WDR37: variants seen among roughly 807,000 people sequenced by gnomAD.
The protein encoded by WDR37 is WD repeat-containing protein 37.
A neutral mutation model predicts 62.9 loss-of-function variants in WDR37; 19 were observed. The observed-to-expected ratio is 0.30, with a 90% CI of 0.21 to 0.44. WDR37 has a LOEUF of 0.44. Among genes scored for constraint, WDR37 ranks in the 20% least tolerant of loss-of-function variants. WDR37 has a pLI of 1.00. For missense variants in WDR37, 474 were observed against 657.6 expected (o/e 0.72, Z 3.05); for synonymous variants, 250 against 260.9 (o/e 0.96, Z 0.40).
At chr10:1,078,285 C>T (rs1833937565) in intron 3 of WDR37, among the ~76,000 whole-genome samples, 1 of 152,140 alleles carries the variant, frequency 6.6e-6, no homozygotes, top group Non-Finnish European at 1.5e-5. Flanking sequence ...ATTGAGAAAA[C>T]ATTGATTTAC....
intron 11 of WDR37, among the ~76,000 whole-genome samples, chr10:1,108,935 G>C (rs1835120517): frequency 6.6e-6 from 1 of 152,236 alleles, no homozygotes; most frequent in Non-Finnish European, 1.5e-5. Context: ...AGCTTCCTAT[G>C]TGCTTCTGAT....
rs1397633607 is a variant in WDR37, at chr10:1,108,559, C to T, written c.1103+3292C>T. Among the ~76,000 whole-genome samples, 4 of 152,216 alleles carry T rather than the reference C, an allele frequency of 2.6e-5. No homozygotes were observed. The East Asian group carries it at 7.7e-4, about 29-fold the overall frequency. ...GATGTTAATTCCCCAGTGACCTTTC[C>T]TCGGTCCAGGGCTTCAGCTCATTGT... is the stretch of plus-strand genomic sequence containing the variant. On this transcript the variant is annotated intron_variant, in intron 11 of 13. Transcript: ENST00000263150.
intron 11 of WDR37, among the ~76,000 whole-genome samples, chr10:1,123,448 C>G (rs550708259): frequency 6.6e-6 from 1 of 152,190 alleles, no homozygotes; most frequent in African/African-American, 2.4e-5. Context: ...AACCTCTGTT[C>G]TACTTCCTGT....
At chr10:1,066,491 T>G (rs1833558126) in intron 1 of WDR37, among the ~76,000 whole-genome samples, 1 of 152,220 alleles carries the variant, frequency 6.6e-6, no homozygotes, top group Non-Finnish European at 1.5e-5. Context: ...ATTCATAGAT[T>G]AAAAGACTCA....
chr10:1,124,069 T>C, intron 11 of WDR37, 149 bp from the exon 12 acceptor site: 2 of 969,960 alleles, frequency 2.1e-6, no homozygotes, highest in East Asian at 5.1e-5. Flanking sequence ...GGAGAGGCTT[T>C]GGGAGGCGGG....
intron 5 of WDR37, 72 bp downstream of exon 5, chr10:1,080,548 AT>A: frequency 6.6e-7 from 1 of 1,520,880 alleles, no homozygotes; most frequent in Non-Finnish European, 9.0e-7. Flanking sequence ...TAAGTTGTTT[AT>A]TTTCCAATTA....
At chr10:1,074,578 G>T in intron 2 of WDR37, 1 of 1,270,734 alleles carries the variant, frequency 7.9e-7, no homozygotes, top group South Asian at 1.3e-5. Flanking sequence ...GCCCCCGTGA[G>T]GTGCTCTGCC....
chr10:1,062,241 C>A (rs1002763400), intron 1 of WDR37, among the ~76,000 whole-genome samples: 1 of 152,098 alleles, frequency 6.6e-6, no homozygotes, highest in African/African-American at 2.4e-5. Flanking sequence ...AGATTGCCGG[C>A]GGTATTGACT....
chr10:1,084,368 A>C, intron 5 of WDR37, 35 bp from the exon 6 acceptor site: 1 of 1,593,166 alleles, frequency 6.3e-7, no homozygotes, highest in Middle Eastern at 1.7e-4. Flanking sequence ...TTACTTCAGT[A>C]AATTGTTTCA....
At chr10:1,080,555 A>G in intron 5 of WDR37, 79 bp downstream of exon 5, 1 of 1,479,074 alleles carries the variant, frequency 6.8e-7, no homozygotes, top group Non-Finnish European at 9.3e-7. Context: ...TTTATTTTCC[A>G]ATTAGAAAGG....
At chr10:1,126,268 T>C (rs371089630) in intron 13 of WDR37, among the ~76,000 whole-genome samples, 451 of 151,776 alleles carry the variant, frequency 3.0e-3, no homozygotes, top group East Asian at 0.016. Flanking sequence ...CAGCCAGGCG[T>C]GGTGGCGGGC....
chr10:1,073,145 G>A (rs1413245246), intron 2 of WDR37, among the ~76,000 whole-genome samples: 1 of 152,156 alleles, frequency 6.6e-6, no homozygotes, highest in Non-Finnish European at 1.5e-5. Context: ...TTTAAAGAGT[G>A]TTGTGAAGTC....
At chr10:1,101,268 C>T (rs1834790634) in intron 9 of WDR37, among the ~76,000 whole-genome samples, 1 of 152,172 alleles carries the variant, frequency 6.6e-6, no homozygotes, top group Non-Finnish European at 1.5e-5. Flanking sequence ...ATCCGTGTTC[C>T]CACAGTCCTG....
At chr10:1,057,114 G>C (rs1373167948) in intron 1 of WDR37, 146 bp downstream of exon 1, 1 of 155,600 alleles carries the variant, frequency 6.4e-6, no homozygotes, top group African/African-American at 2.4e-5. Context: ...TTGGAATGCA[G>C]AGGGTCCGTG....
intron 13 of WDR37, among the ~76,000 whole-genome samples, chr10:1,128,741 G>T (rs563391231): frequency 6.6e-6 from 1 of 152,082 alleles, no homozygotes; most frequent in African/African-American, 2.4e-5. Context: ...ACCAACCCTC[G>T]TGCTCACTGG....
chr10:1,079,976 A>G (rs1833981740), intron 3 of WDR37, 35 bp from the exon 4 acceptor site: 1 of 1,595,776 alleles, frequency 6.3e-7, no homozygotes, highest in South Asian at 1.1e-5. Flanking sequence ...ACATAAAAAC[A>G]TACTTTAGAT....
At chr10:1,114,076 C>A (rs997962948) in intron 11 of WDR37, among the ~76,000 whole-genome samples, 1 of 150,382 alleles carries the variant, frequency 6.6e-6, no homozygotes, top group Non-Finnish European at 1.5e-5. Flanking sequence ...TCTGCCTCAG[C>A]CTCCCGAGTA....
chr10:1,084,394 T>C lies in WDR37; in HGVS notation c.397-9T>C, dbSNP rs2131630549. Reference sequence around the variant, plus strand: ...AATTGTTTCACAAGACTCCCCATCTTGGTTTCAGATTGTCTCCAGCTTTAA... The same window carrying C: ...AATTGTTTCACAAGACTCCCCATCTCGGTTTCAGATTGTCTCCAGCTTTAA... On this transcript the variant is annotated splice_polypyrimidine_tract_variant and intron_variant, in intron 5 of 13. Coordinates refer to ENST00000263150, the MANE Select transcript of WDR37 (RefSeq NM_014023.4). 6.2e-7 allele frequency: 1 copy of C among 1,604,404 alleles called. No individual in the cohort carries two copies. The highest frequency in any genetic ancestry group is 8.5e-7 in the Non-Finnish European group (1 of 1,172,028).
chr10:1,059,610 A>G (rs1833308674), intron 1 of WDR37, among the ~76,000 whole-genome samples: 1 of 151,948 alleles, frequency 6.6e-6, no homozygotes, highest in African/African-American at 2.4e-5. Context: ...CAGCCTGGCC[A>G]GGATGGTGAA....
Sources: allele counts gnomAD v4.1 joint callset (sites outside exome capture counted in the v4.1 genomes callset), GRCh38; gene constraint gnomAD v4.1.1; transcripts MANE v1.5; gene names NCBI Gene and HGNC (gene_info 2026-07-23, HGNC 2026-07-21).